The following DPF3 variants were observed in gnomAD, a reference collection of about 807,000 sequenced individuals.
DPF3 encodes zinc finger protein DPF3.
A neutral mutation model predicts 56.8 loss-of-function variants in DPF3; 18 were observed. That is an observed-to-expected ratio of 0.32 (90% confidence interval 0.22 to 0.47). DPF3 has a LOEUF of 0.47. Among genes scored for constraint, DPF3 ranks in the 20% least tolerant of loss-of-function variants. The pLI is 1.00. For synonymous variants in DPF3, 188 were observed against 180.2 expected (o/e 1.04, Z -0.35); for missense variants, 403 against 488.8 (o/e 0.82, Z 1.65).
At chr14:72,848,592 G>C (rs1350561472) in intron 1 of DPF3, among the ~76,000 whole-genome samples, 1 of 152,128 alleles carries the variant, frequency 6.6e-6, no homozygotes, top group Non-Finnish European at 1.5e-5. Context: ...CTTAGGGCTT[G>C]GAACATAGTA....
chr14:72,677,060 T>C (rs1886942350), intron 7 of DPF3, among the ~76,000 whole-genome samples: 1 of 152,180 alleles, frequency 6.6e-6, no homozygotes, highest in Non-Finnish European at 1.5e-5. Flanking sequence ...TCTGACGAGA[T>C]GGAGTCTGAG....
intron 6 of DPF3, among the ~76,000 whole-genome samples, chr14:72,702,958 A>ACTAAC (rs1231577730): frequency 6.6e-6 from 1 of 152,176 alleles, no homozygotes; most frequent in Non-Finnish European, 1.5e-5. Context: ...TGGGTCTGAT[A>ACTAAC]CTAACCCGCT....
Position 72,804,236 on chromosome 14 carries a change from T to C in DPF3, c.33-32343A>G, listed in dbSNP as rs1232140393. On this transcript the variant is annotated intron_variant, in intron 1 of 10. Coordinates refer to ENST00000556509, the MANE Select transcript of DPF3 (RefSeq NM_001280542.3). ...ACACACACACACACGCAGACAAAGATTCCCCCCTTCCAGATCCACACTGCG... is the reference window on the plus strand; with the variant it reads ...ACACACACACACACGCAGACAAAGACTCCCCCCTTCCAGATCCACACTGCG... Among the ~76,000 whole-genome samples the C allele has an allele frequency of 5.7e-5, 8 of 140,644 alleles. 1 individual carries two copies. The South Asian group carries it at 7.1e-4, about 12-fold the overall frequency. The allele number at this position is 140,644 out of a possible 152,430, so 92.3% of individuals were successfully genotyped here.
intron 1 of DPF3, among the ~76,000 whole-genome samples, chr14:72,887,183 ACACACACACACAC>A (rs1886582772): frequency 7.0e-6 from 1 of 142,368 alleles, no homozygotes; most frequent in South Asian, 2.2e-4. Flanking sequence ...ACACACACAC[ACACACACACACAC>A]AAAAGGAAGC....
intron 3 of DPF3, among the ~76,000 whole-genome samples, chr14:72,751,798 C>A (rs1890585486): frequency 6.6e-6 from 1 of 151,984 alleles, no homozygotes; most frequent in South Asian, 2.1e-4. Context: ...CAAAGTAAAA[C>A]AACACACATG....
At chr14:72,678,022 G>C (rs1469869258) in intron 7 of DPF3, among the ~76,000 whole-genome samples, 1 of 152,192 alleles carries the variant, frequency 6.6e-6, no homozygotes, top group African/African-American at 2.4e-5. Flanking sequence ...CCACAAAACT[G>C]TGGCAAATCT....
chr14:72,867,199 C>G (rs917498246), intron 1 of DPF3, among the ~76,000 whole-genome samples: 3 of 152,146 alleles, frequency 2.0e-5, no homozygotes, highest in African/African-American at 7.2e-5. Context: ...TATAGGAGTT[C>G]TGCCTCCTAC....
chr14:72,892,147 C>G, intron 1 of DPF3: 1 of 1,534,062 alleles, frequency 6.5e-7, no homozygotes, highest in Non-Finnish European at 8.7e-7. Flanking sequence ...GGAAACAAAC[C>G]TGGTGCACAT....
chr14:72,813,550 C>G (rs941024161), intron 1 of DPF3, among the ~76,000 whole-genome samples: 11 of 151,960 alleles, frequency 7.2e-5, no homozygotes, highest in African/African-American at 2.4e-4. Flanking sequence ...ATCCTGGCCT[C>G]CCCCCCGGCA....
intron 7 of DPF3, among the ~76,000 whole-genome samples, chr14:72,685,978 C>T (rs575426566): frequency 4.6e-5 from 7 of 152,330 alleles, no homozygotes; most frequent in South Asian, 4.1e-4. Flanking sequence ...TGTCTTATTT[C>T]CACAATTGCA....
intron 8 of DPF3, among the ~76,000 whole-genome samples, chr14:72,646,876 A>G (rs1599326124): frequency 6.6e-6 from 1 of 152,190 alleles, no homozygotes; most frequent in Admixed American, 6.5e-5. Flanking sequence ...TCAGGCCCCA[A>G]AGCTTCTAAT....
chr14:72,660,295 A>G (rs1886169969), intron 8 of DPF3, among the ~76,000 whole-genome samples: 2 of 152,144 alleles, frequency 1.3e-5, no homozygotes, highest in South Asian at 4.1e-4. Flanking sequence ...TGCTAGGAAA[A>G]CTTACAAAGT....
intron 1 of DPF3, among the ~76,000 whole-genome samples, chr14:72,808,427 C>T (rs1882886781): frequency 6.6e-6 from 1 of 152,136 alleles, no homozygotes; most frequent in Admixed American, 6.5e-5. Flanking sequence ...CTTTGCTGTC[C>T]AAATCCCACC....
intron 4 of DPF3, among the ~76,000 whole-genome samples, chr14:72,730,808 A>G (rs1889608927): frequency 6.6e-6 from 1 of 152,198 alleles, no homozygotes. Flanking sequence ...ATCAATTCAT[A>G]TTACAATACT....
intron 1 of DPF3, among the ~76,000 whole-genome samples, chr14:72,878,436 G>C (rs924466753): frequency 4.6e-5 from 7 of 152,130 alleles, no homozygotes; most frequent in Non-Finnish European, 1.0e-4. Flanking sequence ...TATACAAAAG[G>C]CATTCTCTCA....
chr14:72,799,849 G>C (rs1892799487), intron 1 of DPF3, among the ~76,000 whole-genome samples: 1 of 152,128 alleles, frequency 6.6e-6, no homozygotes, highest in Non-Finnish European at 1.5e-5. Flanking sequence ...AAGCAGGCCT[G>C]TTTACAAAGG....
At position 72,859,341 on chromosome 14, in the gene DPF3, A is replaced by G. The variant is rs541856023; in HGVS notation, c.32+34716T>C. Among the ~76,000 whole-genome samples, 9 of 152,230 alleles carry G rather than the reference A, an allele frequency of 5.9e-5. No individual in the cohort carries two copies. In the East Asian group the frequency reaches 1.7e-3, roughly 29 times the overall value. On this transcript the variant is annotated intron_variant, in intron 1 of 10. Coordinates refer to ENST00000556509, the MANE Select transcript of DPF3 (RefSeq NM_001280542.3). ...TCCTTTCAAGGCCAACAGGGAAGCA[A>G]CATTTCCCCAAAGCTAAGCTAAGCA...
At chr14:72,790,442 T>C (rs1892382391) in intron 1 of DPF3, among the ~76,000 whole-genome samples, 2 of 152,186 alleles carry the variant, frequency 1.3e-5, no homozygotes, top group South Asian at 4.1e-4. Context: ...CATTCCATAA[T>C]ACATGATGGC....
chr14:72,731,667 T>C (rs1424141040), intron 4 of DPF3, 140 bp downstream of exon 4: 1 of 1,209,554 alleles, frequency 8.3e-7, no homozygotes, highest in African/African-American at 1.5e-5. Context: ...GGGAGCTTCC[T>C]GGCCACCATA....
Sources: allele counts gnomAD v4.1 joint callset (sites outside exome capture counted in the v4.1 genomes callset), GRCh38; gene constraint gnomAD v4.1.1; transcripts MANE v1.5; gene names NCBI Gene and HGNC (gene_info 2026-07-23, HGNC 2026-07-21).